SND1: variants seen among roughly 807,000 people sequenced by gnomAD.
SND1 encodes the protein staphylococcal nuclease and tudor domain containing 1.
A neutral mutation model predicts 121.7 loss-of-function variants in SND1; 38 were observed. The observed-to-expected ratio is 0.31, with a 90% confidence interval of 0.24 to 0.41. The LOEUF is 0.41. Ranked by LOEUF, SND1 falls within the 10% of genes least tolerant of loss-of-function variation. The probability of loss-of-function intolerance (pLI) is 1.00; values close to 1 mark genes in which losing one functional copy is unlikely to be tolerated. For synonymous variants in SND1, 401 were observed against 447.4 expected (o/e 0.90, Z 1.31); for missense variants, 868 against 1,184.6 (o/e 0.73, Z 3.92).
At chr7:128,023,525 A>ATC (rs1803405197) in intron 16 of SND1, among the ~76,000 whole-genome samples, 1 of 152,188 alleles carries the variant, frequency 6.6e-6, no homozygotes, top group Admixed American at 6.5e-5. Context: ...AGGAAAGGTA[A>ATC]TCTATTCCTG....
At chr7:127,900,883 T>G (rs1450724162) in intron 13 of SND1, among the ~76,000 whole-genome samples, 1 of 152,222 alleles carries the variant, frequency 6.6e-6, no homozygotes, top group Non-Finnish European at 1.5e-5. Context: ...TAGGCTATGT[T>G]CTGCCCCACT....
At chr7:127,881,481 T>C (rs980594955) in intron 12 of SND1, among the ~76,000 whole-genome samples, 9 of 152,272 alleles carry the variant, frequency 5.9e-5, no homozygotes, top group Non-Finnish European at 1.2e-4. Flanking sequence ...ATATTCCTTT[T>C]AAGTTAGCTC....
intron 12 of SND1, chr7:127,858,081 G>T: frequency 9.8e-7 from 1 of 1,021,468 alleles, no homozygotes; most frequent in Non-Finnish European, 1.6e-6. Context: ...TCTGGGTAGG[G>T]GTTGGGGTCT....
intron 18 of SND1, among the ~76,000 whole-genome samples, chr7:128,082,708 TG>T (rs1793626535): frequency 6.6e-6 from 1 of 151,970 alleles, no homozygotes; most frequent in Admixed American, 6.6e-5. Flanking sequence ...CTTGTAGTGG[TG>T]GTCTCAGTGG....
chr7:127,941,816 T>C (rs1801211124), intron 15 of SND1, among the ~76,000 whole-genome samples: 1 of 152,036 alleles, frequency 6.6e-6, no homozygotes, highest in Non-Finnish European at 1.5e-5. Context: ...TCTAAGGCCC[T>C]GATGTATTTT....
intron 10 of SND1, among the ~76,000 whole-genome samples, chr7:127,803,218 C>A (rs188659390): frequency 1.3e-5 from 2 of 152,178 alleles, no homozygotes; most frequent in African/African-American, 4.8e-5. Context: ...GATGACTGGG[C>A]ATCCCATACC....
At chr7:127,933,738 T>C (rs1030393981) in intron 15 of SND1, among the ~76,000 whole-genome samples, 5 of 152,170 alleles carry the variant, frequency 3.3e-5, no homozygotes, top group African/African-American at 4.8e-5. Flanking sequence ...GCCCCTCAAT[T>C]TGGAGTGGCA....
chr7:128,074,629 G>A lies in SND1; in HGVS notation c.1907G>A (p.Arg636His), dbSNP rs1793475380. 1.2e-6 allele frequency: 2 copies of A among 1,613,856 alleles called. No homozygotes were observed. The highest frequency in any genetic ancestry group is 1.1e-5 in the South Asian group (1 of 91,054). Residue 636 changes from arginine (R) to histidine (H), a missense_variant, in exon 17 of 24, where the codon CGC (arginine) becomes CAC (histidine). Arg to His is a conservative substitution (Grantham distance 29, BLOSUM62 0). Transcript: ENST00000354725. ...ALSKVHFTAERSSYYKSLLSA... is the reference protein window; with the variant it reads ...ALSKVHFTAEHSSYYKSLLSA... ...TCCAAGGTCCACTTCACCGCCGAACGCAGCTCCTACTACAAGTCCCTGCTG... is the reference window on the plus strand; with the variant it reads ...TCCAAGGTCCACTTCACCGCCGAACACAGCTCCTACTACAAGTCCCTGCTG...
intron 10 of SND1, among the ~76,000 whole-genome samples, chr7:127,751,003 T>A (rs1797081017): frequency 6.6e-6 from 1 of 152,176 alleles, no homozygotes; most frequent in Admixed American, 6.5e-5. Flanking sequence ...CTTGTCTGTT[T>A]TGGTGGTAGA....
chr7:127,680,025 T>G (rs933093926), intron 1 of SND1, among the ~76,000 whole-genome samples: 1 of 151,880 alleles, frequency 6.6e-6, no homozygotes, highest in Non-Finnish European at 1.5e-5. Flanking sequence ...GTTTGAGAAA[T>G]AAAGGGACAG....
intron 2 of SND1, chr7:127,687,080 T>C (rs1423428854): frequency 1.4e-5 from 3 of 221,788 alleles, no homozygotes; most frequent in Non-Finnish European, 2.6e-5. Flanking sequence ...GAAATCACCA[T>C]TGGTTATGGC....
intron 1 of SND1, 73 bp downstream of exon 1, chr7:127,652,524 G>A (rs1328951712): frequency 8.0e-7 from 1 of 1,257,296 alleles, no homozygotes; most frequent in African/African-American, 1.5e-5. Flanking sequence ...TCCACCTTCC[G>A]CCAGCCTGCT....
chr7:128,067,373 C>T (rs1793333843), intron 16 of SND1, among the ~76,000 whole-genome samples: 1 of 152,186 alleles, frequency 6.6e-6, no homozygotes, highest in South Asian at 2.1e-4. Flanking sequence ...TATGGCCAGA[C>T]AGCACATGGA....
intron 15 of SND1, among the ~76,000 whole-genome samples, chr7:127,932,005 A>G (rs1800964717): frequency 6.6e-6 from 1 of 152,262 alleles, no homozygotes; most frequent in Non-Finnish European, 1.5e-5. Flanking sequence ...CATGCCTGCT[A>G]ACATAGCATT....
At chr7:127,966,905 G>T (rs1801865380) in intron 15 of SND1, among the ~76,000 whole-genome samples, 2 of 151,692 alleles carry the variant, frequency 1.3e-5, no homozygotes. Flanking sequence ...AAAAATCAAT[G>T]AATCCAGGAG....
chr7:127,695,960 A>C lies in SND1; in HGVS notation c.349+1012A>C, dbSNP rs78269940. Among the ~76,000 whole-genome samples the C allele has an allele frequency of 1.9e-4, 29 of 152,324 alleles. No homozygotes were observed. In the East Asian group the frequency reaches 5.6e-3, roughly 29 times the overall value. ...TTGGATTAGGTAGTAAGAGAATAAG[A>C]TTGAGGAATGGAGTTGGAACAGAAA... On this transcript the variant is annotated intron_variant, in intron 3 of 23. Transcript: ENST00000354725.
chr7:128,058,879 G>C (rs753471097), intron 16 of SND1, among the ~76,000 whole-genome samples: 3 of 151,718 alleles, frequency 2.0e-5, no homozygotes, highest in Non-Finnish European at 2.9e-5. Context: ...CTCCATCCCC[G>C]ATCTGTCTCA....
At chr7:128,032,317 C>A (rs1297262806) in intron 16 of SND1, among the ~76,000 whole-genome samples, 1 of 151,152 alleles carries the variant, frequency 6.6e-6, no homozygotes, top group African/African-American at 2.4e-5. Context: ...CCCCCTCCCC[C>A]CTCCCCCCTC....
chr7:128,089,681 T>C lies in SND1; in HGVS notation c.2611T>C (p.Phe871Leu). 1 of 1,614,050 alleles carries C rather than the reference T, an allele frequency of 6.2e-7. No individual in the cohort carries two copies. The highest frequency in any genetic ancestry group is 8.5e-7 in the Non-Finnish European group (1 of 1,180,000). ...GGTGGAGGTGCGCAAGGAGAAACAG[T>C]TCCAGAAAGTGGTATGTGATGTGGA... The part of the protein sequence containing the change: ...VMVEVRKEKQ[F>L]QKVITEYLNA... Residue 871 changes from phenylalanine (F) to leucine (L), a missense_variant, in exon 22 of 24, where the codon TTC becomes CTC. Around this residue, in one of 2 missense-constraint regions of SND1, gnomAD observed 743 missense variants for 1,071.3 expected, o/e 0.69. Coordinates refer to ENST00000354725, the MANE Select transcript of SND1 (RefSeq NM_014390.4).
Sources: allele counts gnomAD v4.1 joint callset (sites outside exome capture counted in the v4.1 genomes callset), GRCh38; gene constraint gnomAD v4.1.1; regional missense constraint gnomAD v4.1.1; transcripts MANE v1.5; gene names NCBI Gene and HGNC (gene_info 2026-07-23, HGNC 2026-07-21).